ACCSL: variants seen among roughly 807,000 people sequenced by gnomAD.
The protein encoded by ACCSL is 1-aminocyclopropane-1-carboxylate synthase homolog (inactive) like, also known as probable inactive 1-aminocyclopropane-1-carboxylate synthase-like protein 2.
In ACCSL, 55 loss-of-function variants were observed where a neutral mutation model predicts 61.7. The ratio of observed to expected loss-of-function variants is 0.89; its 90% CI spans 0.72 to 1.12. The LOEUF (loss-of-function observed/expected upper bound fraction) is 1.12, where lower values mean the gene tolerates loss of function less well. Among genes scored for constraint, ACCSL ranks in the 50% most tolerant of loss-of-function variants. ACCSL has a pLI of 0.00. For synonymous variants in ACCSL, 258 were observed against 264.3 expected (o/e 0.98, Z 0.23); for missense variants, 632 against 698.0 (o/e 0.91, Z 1.07).
chr11:44,033,762 T>TG, the ACCSL span, among the ~76,000 whole-genome samples: 2,888 of 152,044 alleles, frequency 0.019, 105 homozygotes, highest in African/African-American at 0.066. Context: ...AGACCTTGTT[T>TG]GGGGGGAGAG....
intron 5 of ACCSL, 58 bp downstream of exon 5, chr11:44,051,777 C>G: frequency 6.3e-7 from 1 of 1,595,322 alleles, no homozygotes; most frequent in Non-Finnish European, 8.6e-7. Context: ...CAGGTAGGAA[C>G]ACACGGGCAC....
At chr11:43,985,731 C>T in the ACCSL span, among the ~76,000 whole-genome samples, 11 of 152,224 alleles carry the variant, frequency 7.2e-5, no homozygotes, top group South Asian at 1.0e-3. Context: ...AATATCCAAC[C>T]GCCTTCTTAA....
the ACCSL span, among the ~76,000 whole-genome samples, chr11:44,031,859 G>A: frequency 6.6e-6 from 1 of 152,062 alleles, no homozygotes; most frequent in Non-Finnish European, 1.5e-5. Flanking sequence ...GTGGACAGTC[G>A]CGGGGGCTGT....
the ACCSL span, among the ~76,000 whole-genome samples, chr11:43,970,649 C>G: frequency 1.3e-5 from 2 of 152,210 alleles, no homozygotes; most frequent in Non-Finnish European, 2.9e-5. Context: ...AACCATTTCT[C>G]TGCATGTTTT....
In ACCSL at chr11:44,050,135, G is replaced by T. The variant is rs747905889; in HGVS notation, c.564+14G>T. ...ATGACTGAAAGAGTAAGGATGTTCTGGGCTGTGTTGGGACCCACCCCTTCA... is the reference window on the plus strand; with the variant it reads ...ATGACTGAAAGAGTAAGGATGTTCTTGGCTGTGTTGGGACCCACCCCTTCA... On this transcript the variant is annotated intron_variant, in intron 2 of 13. Transcript: ENST00000378832. 6.2e-7 allele frequency: 1 copy of T among 1,609,182 alleles called. No individual in the cohort carries two copies. The highest frequency in any genetic ancestry group is 1.1e-5 in the South Asian group (1 of 90,976).
chr11:44,002,332 C>A, the ACCSL span, among the ~76,000 whole-genome samples: 2 of 152,164 alleles, frequency 1.3e-5, no homozygotes, highest in Non-Finnish European at 2.9e-5. Context: ...AGCTGGCCTA[C>A]CTGCACCCGG....
the ACCSL span, among the ~76,000 whole-genome samples, chr11:44,007,450 T>A: frequency 6.6e-6 from 1 of 152,138 alleles, no homozygotes; most frequent in Admixed American, 6.5e-5. Flanking sequence ...GCTGGGGGAC[T>A]CCAAGAGCCC....
the ACCSL span, among the ~76,000 whole-genome samples, chr11:43,983,277 G>A: frequency 8.5e-5 from 13 of 152,294 alleles, no homozygotes; most frequent in Admixed American, 1.3e-4. Context: ...TCGATTACTC[G>A]GAATTAATTA....
the ACCSL span, among the ~76,000 whole-genome samples, chr11:43,983,352 C>G: frequency 3.9e-5 from 6 of 152,200 alleles, no homozygotes; most frequent in Non-Finnish European, 8.8e-5. Flanking sequence ...ATTTTGCATT[C>G]ATTTCTGTAC....
At chr11:43,937,222 G>A in the ACCSL span, among the ~76,000 whole-genome samples, 1 of 152,220 alleles carries the variant, frequency 6.6e-6, no homozygotes, top group Non-Finnish European at 1.5e-5. Flanking sequence ...TGTGCTGGGT[G>A]CTGGAAAGGC....
At chr11:43,953,931 T>C in the ACCSL span, among the ~76,000 whole-genome samples, 2 of 152,186 alleles carry the variant, frequency 1.3e-5, no homozygotes, top group African/African-American at 4.8e-5. Flanking sequence ...AAATTCTTTC[T>C]TGTGAGAGAT....
the ACCSL span, among the ~76,000 whole-genome samples, chr11:43,997,872 A>C: frequency 1.3e-5 from 2 of 152,284 alleles, no homozygotes; most frequent in South Asian, 4.1e-4. Flanking sequence ...ATGGGAAGAG[A>C]ATGTCTCCCT....
chr11:43,943,315 C>A, the ACCSL span: 1 of 1,437,704 alleles, frequency 7.0e-7, no homozygotes, highest in South Asian at 1.5e-5. The surrounding 1 kb of genome is among the most constrained non-coding windows in gnomAD (Gnocchi z 4.8). Context: ...CCGCGGTCCG[C>A]GCGGGGACCG....
At chr11:44,049,419 CAAAAAAAA>C (rs33944147) in intron 1 of ACCSL, among the ~76,000 whole-genome samples, 2 of 33,950 alleles carry the variant, frequency 5.9e-5, no homozygotes, top group East Asian at 9.8e-4. Context: ...GACCCTGTCT[CAAAAAAAA>C]AAAAAAAAAA....
At chr11:43,989,173 C>T in the ACCSL span, among the ~76,000 whole-genome samples, 1 of 152,212 alleles carries the variant, frequency 6.6e-6, no homozygotes, top group South Asian at 2.1e-4. Flanking sequence ...AGGCTCAGCG[C>T]TGGGTTCAGC....
the ACCSL span, among the ~76,000 whole-genome samples, chr11:44,024,455 G>C: frequency 0.084 from 12,611 of 149,812 alleles, 577 homozygotes; most frequent in African/African-American, 0.1. Context: ...GTGTGTGTGT[G>C]TGTGTGTGTG....
intron 7 of ACCSL, 92 bp from the exon 8 acceptor site, chr11:44,053,314 T>G: frequency 7.6e-7 from 1 of 1,316,330 alleles, no homozygotes; most frequent in Non-Finnish European, 1.1e-6. Context: ...CCTAGGCCTT[T>G]TTGGGTGCCT....
At chr11:44,052,235 G>A (rs1461566878) in intron 5 of ACCSL, among the ~76,000 whole-genome samples, 1 of 152,220 alleles carries the variant, frequency 6.6e-6, no homozygotes, top group East Asian at 1.9e-4. Context: ...TCATCAGTAA[G>A]GCCAAATGGA....
chr11:43,934,512 T>C, the ACCSL span, among the ~76,000 whole-genome samples: 1 of 152,144 alleles, frequency 6.6e-6, no homozygotes, highest in Admixed American at 6.5e-5. Flanking sequence ...GTACAAGCGG[T>C]GGCTGGGCCA....
Sources: allele counts gnomAD v4.1 joint callset (sites outside exome capture counted in the v4.1 genomes callset), GRCh38; gene constraint gnomAD v4.1.1; non-coding constraint Gnocchi (gnomAD v3.1); transcripts MANE v1.5; gene names NCBI Gene and HGNC (gene_info 2026-07-23, HGNC 2026-07-21).